Variants in GABBR2 observed in about 807,000 individuals in gnomAD.
GABBR2 encodes gamma-aminobutyric acid type B receptor subunit 2.
In GABBR2, 23 loss-of-function variants were observed where a neutral mutation model predicts 105.6. That is an observed-to-expected ratio of 0.22 (90% CI 0.16 to 0.31). The LOEUF (loss-of-function observed/expected upper bound fraction) is 0.31, where lower values mean the gene tolerates loss of function less well. Ranked by LOEUF, GABBR2 falls within the 10% of genes least tolerant of loss-of-function variation. The pLI, the probability that GABBR2 is intolerant of heterozygous loss-of-function variation, is 1.00. For synonymous variants in GABBR2, 478 were observed against 499.7 expected, an observed-to-expected ratio of 0.96 and a Z score of 0.58; for missense variants, 734 against 1,245.5, an observed-to-expected ratio of 0.59 and a Z score of 6.18.
chr9:98,567,287 C>A (rs1259183457), intron 2 of GABBR2, among the ~76,000 whole-genome samples: 1 of 152,182 alleles, frequency 6.6e-6, no homozygotes, highest in Non-Finnish European at 1.5e-5. Context: ...TAAATTGAAT[C>A]TTTCACCAGG....
intron 9 of GABBR2, among the ~76,000 whole-genome samples, chr9:98,390,115 C>T (rs1188196698): frequency 6.6e-6 from 1 of 152,190 alleles, no homozygotes; most frequent in Non-Finnish European, 1.5e-5. Flanking sequence ...TGGCTCATGC[C>T]TGTAATCCCA....
At chr9:98,422,922 C>T (rs868369173) in intron 7 of GABBR2, among the ~76,000 whole-genome samples, 1 of 152,054 alleles carries the variant, frequency 6.6e-6, no homozygotes, top group African/African-American at 2.4e-5. Flanking sequence ...TCATCCATGT[C>T]CCTACAAAGG....
rs193210269 is a variant in GABBR2 at position 98,396,034 on chromosome 9, C to T, written c.1298-1779G>A. On this transcript the variant is annotated intron_variant, in intron 8 of 18. Transcript: ENST00000259455. ...GACAGCTTGTGGCTTTGCCTAGGGC[C>T]CCAGTGGTAATAAGAATAGAGGCCA... Among the ~76,000 whole-genome samples, 14 of 152,208 alleles carry T rather than the reference C, an allele frequency of 9.2e-5. No homozygotes were observed. The East Asian group carries it at 2.7e-3, about 29-fold the overall frequency.
At chr9:98,333,528 T>A (rs1831063681) in intron 13 of GABBR2, among the ~76,000 whole-genome samples, 1 of 152,136 alleles carries the variant, frequency 6.6e-6, no homozygotes, top group African/African-American at 2.4e-5. Flanking sequence ...TCTGCCTCCA[T>A]CTCCGCATGG....
At chr9:98,619,550 T>C (rs1179499663) in intron 1 of GABBR2, among the ~76,000 whole-genome samples, 1 of 152,230 alleles carries the variant, frequency 6.6e-6, no homozygotes, top group Non-Finnish European at 1.5e-5. Context: ...AATCCAAGTC[T>C]GATTTTTCAA....
At chr9:98,399,234 A>C (rs933024369) in intron 8 of GABBR2, among the ~76,000 whole-genome samples, 1 of 151,830 alleles carries the variant, frequency 6.6e-6, no homozygotes. Flanking sequence ...CGTGCCTGTA[A>C]TCTTGGCTAT....
At chr9:98,623,442 T>A (rs1400708508) in intron 1 of GABBR2, among the ~76,000 whole-genome samples, 3 of 152,180 alleles carry the variant, frequency 2.0e-5, no homozygotes, top group Admixed American at 6.5e-5. Context: ...AATAAATAAA[T>A]AAAATATTTT....
chr9:98,534,716 C>T (rs1326086522), intron 3 of GABBR2, among the ~76,000 whole-genome samples: 4 of 152,232 alleles, frequency 2.6e-5, no homozygotes, highest in Non-Finnish European at 5.9e-5. Flanking sequence ...CTCCAGAACG[C>T]TGACAATACC....
At chr9:98,347,148 C>A (rs1297414171) in intron 13 of GABBR2, among the ~76,000 whole-genome samples, 1 of 152,156 alleles carries the variant, frequency 6.6e-6, no homozygotes, top group Non-Finnish European at 1.5e-5. Context: ...TCCTGAGAAA[C>A]CCCCACATTA....
chr9:98,456,841 A>G (rs1045110435), intron 6 of GABBR2, among the ~76,000 whole-genome samples: 3 of 152,228 alleles, frequency 2.0e-5, no homozygotes, highest in African/African-American at 7.2e-5. Context: ...TTCTTTAATG[A>G]TTAGAATGAG....
chr9:98,694,048 C>T (rs762019575), intron 1 of GABBR2, among the ~76,000 whole-genome samples: 3 of 152,230 alleles, frequency 2.0e-5, no homozygotes, highest in Admixed American at 6.5e-5. Context: ...CTGAGATCTC[C>T]ACCAAATACT....
At chr9:98,446,898 A>G (rs1166536250) in intron 7 of GABBR2, among the ~76,000 whole-genome samples, 1 of 152,110 alleles carries the variant, frequency 6.6e-6, no homozygotes, top group African/African-American at 2.4e-5. Context: ...GTCAAGAAAC[A>G]GGCACAATCA....
chr9:98,409,161 G>T (rs77322120), intron 7 of GABBR2, among the ~76,000 whole-genome samples: 1 of 152,208 alleles, frequency 6.6e-6, no homozygotes. Context: ...GTGGCTGGGC[G>T]GTGGCAGATG....
intron 1 of GABBR2, among the ~76,000 whole-genome samples, chr9:98,653,935 T>C (rs758044067): frequency 2.0e-5 from 3 of 152,168 alleles, no homozygotes; most frequent in Non-Finnish European, 2.9e-5. Flanking sequence ...CATGAGTGGG[T>C]ATATTTATTC....
chr9:98,492,238 C>A (rs1456355321), intron 4 of GABBR2, among the ~76,000 whole-genome samples: 1 of 149,764 alleles, frequency 6.7e-6, no homozygotes, highest in African/African-American at 2.5e-5. Flanking sequence ...ATAGTCTGTA[C>A]ATTTCCATAT....
rs1163241608 is a variant in GABBR2 at position 98,473,179 on chromosome 9, C to A, written c.966G>T (p.Leu322=). The A allele has an allele frequency of 6.2e-7, 1 of 1,613,714 alleles. No homozygotes were observed. The highest frequency in any genetic ancestry group is 8.5e-7 in the Non-Finnish European group (1 of 1,179,968). ...AGATGGTCTTGATCTGCTTGGAGCT[C>A]AGGGGCTCGAAATCCACGCCAATGT... is the stretch of plus-strand genomic sequence containing the variant. ...EGYIGVDFEP[L]SSKQIKTISG... is the part of the protein sequence containing the mutation. The change falls in exon 6 of 19, where the codon CTG becomes CTT. Residue 322 remains leucine, a synonymous_variant. Transcript: ENST00000259455.
At chr9:98,548,908 G>C (rs1828437909) in intron 2 of GABBR2, among the ~76,000 whole-genome samples, 1 of 120,804 alleles carries the variant, frequency 8.3e-6, no homozygotes, top group Non-Finnish European at 1.9e-5. Flanking sequence ...GTATGTATGT[G>C]TATGTTTTTT....
At chr9:98,583,931 C>G (rs1219486817) in intron 1 of GABBR2, among the ~76,000 whole-genome samples, 1 of 152,224 alleles carries the variant, frequency 6.6e-6, no homozygotes, top group African/African-American at 2.4e-5. Flanking sequence ...ATGCCAGAAG[C>G]TTTTCAATAC....
chr9:98,370,296 G>C (rs1831755352), intron 12 of GABBR2, among the ~76,000 whole-genome samples: 1 of 152,054 alleles, frequency 6.6e-6, no homozygotes, highest in South Asian at 2.1e-4. Context: ...AGCCAATTGG[G>C]GGAGCATTTC....
Sources: allele counts gnomAD v4.1 joint callset (sites outside exome capture counted in the v4.1 genomes callset), GRCh38; gene constraint gnomAD v4.1.1; transcripts MANE v1.5; gene names NCBI Gene and HGNC (gene_info 2026-07-23, HGNC 2026-07-21).